USP54: variants seen among roughly 807,000 people sequenced by gnomAD.
USP54 encodes ubiquitin carboxyl-terminal hydrolase 54.
Under a neutral mutation model 170.5 loss-of-function variants are expected in USP54, and 87 were observed. That is an observed-to-expected ratio of 0.51 (90% CI 0.43 to 0.61). The LOEUF (loss-of-function observed/expected upper bound fraction) is 0.61. Among genes scored for constraint, USP54 ranks in the 20% least tolerant of loss-of-function variants. The probability of loss-of-function intolerance (pLI) is 0.00; values close to 1 mark genes in which losing one functional copy is unlikely to be tolerated. For missense variants in USP54, 1,786 were observed against 2,047.8 expected, an observed-to-expected ratio of 0.87 and a Z score of 2.47; for synonymous variants, 655 against 742.8, an observed-to-expected ratio of 0.88 and a Z score of 1.92.
chr10:73,530,484 G>A lies in USP54; in HGVS notation c.1487C>T (p.Ser496Phe), dbSNP rs768318479. The change falls in exon 14 of 24, where the codon TCC becomes TTC. Residue 496 changes from serine (S) to phenylalanine (F), a missense_variant. Ser to Phe is a radical substitution (Grantham distance 155, BLOSUM62 -2). Transcript: ENST00000687698. ...CCTGTTGGTGCTGCTGGATGGTTTG[G>A]AGGCATTTCTAGGAGCCTGCTTCTC... The part of the protein sequence containing the change: ...LKEKQAPRNA[S>F]KPSSSTNRLR... 1.9e-6 allele frequency: 3 copies of A among 1,612,470 alleles called. No homozygotes were observed. The South Asian group carries it at 3.3e-5, about 18-fold the overall frequency.
At chr10:73,522,163 A>G (rs139233912) in intron 17 of USP54, among the ~76,000 whole-genome samples, 53 of 152,346 alleles carry the variant, frequency 3.5e-4, no homozygotes, top group Non-Finnish European at 6.6e-4. Flanking sequence ...AAGACAATGG[A>G]AACAGCAGGT....
intron 1 of USP54, among the ~76,000 whole-genome samples, chr10:73,599,222 T>C (rs2078979535): frequency 6.6e-6 from 1 of 152,204 alleles, no homozygotes; most frequent in Non-Finnish European, 1.5e-5. Flanking sequence ...TCAATGAAAT[T>C]TGTATCACTA....
intron 4 of USP54, among the ~76,000 whole-genome samples, chr10:73,569,963 CAAAAA>C (rs755776753): frequency 1.3e-5 from 1 of 78,712 alleles, no homozygotes; most frequent in Admixed American, 1.4e-4. Context: ...TAATACTGGT[CAAAAA>C]AAATTTTGAG....
At chr10:73,607,299 A>G (rs1290072615) in intron 1 of USP54, among the ~76,000 whole-genome samples, 1 of 149,988 alleles carries the variant, frequency 6.7e-6, no homozygotes, top group Non-Finnish European at 1.5e-5. Flanking sequence ...GGTTTCCACA[A>G]AATCATTCCT....
Position 73,575,806 on chromosome 10 carries a change from T to C in USP54, c.-26A>G, listed in dbSNP as rs2076039816. 1.0e-6 allele frequency: 1 copy of C among 978,878 alleles called. No homozygotes were observed. The allele number at this position is 978,878 out of a possible 1,614,324, so 60.6% of individuals were successfully genotyped here. A position where few individuals can be genotyped will look rare whatever the true frequency, so the allele number is the denominator to read the frequency against. Reference sequence around the variant, plus strand: ...GATTTTGACTTTACCACCTTCCAAATATCATCTGTGTAGTCAAGGGACTCA... The same window carrying C: ...GATTTTGACTTTACCACCTTCCAAACATCATCTGTGTAGTCAAGGGACTCA... On this transcript the variant is annotated 5_prime_UTR_variant, in exon 2 of 24. In the 5' UTR this introduces an upstream ATG that the reference lacks. Transcript: ENST00000687698.
Position 73,534,790 on chromosome 10 carries a change from C to T in USP54, c.1145-20G>A. 1.9e-6 allele frequency: 3 copies of T among 1,608,056 alleles called. No individual in the cohort carries two copies. The highest frequency in any genetic ancestry group is 1.1e-5 in the South Asian group (1 of 90,428). The stretch of plus-strand genomic sequence containing the variant: ...CCCTCCCTGAGAGGAGGAGGAAACA[C>T]ATATGCAAAAAGTGAGGAAACAGAA... On this transcript the variant is annotated intron_variant, in intron 11 of 23. Coordinates refer to ENST00000687698, the MANE Select transcript of USP54 (RefSeq NM_001391956.1).
At chr10:73,623,515 G>T (rs2081251445) in intron 1 of USP54, among the ~76,000 whole-genome samples, 1 of 152,174 alleles carries the variant, frequency 6.6e-6, no homozygotes, top group Admixed American at 6.5e-5. Flanking sequence ...TGGGCATGGT[G>T]GCCCTCACCT....
chr10:73,536,576 T>G, intron 10 of USP54, 139 bp from the exon 11 acceptor site: 1 of 973,798 alleles, frequency 1.0e-6, no homozygotes, highest in Non-Finnish European at 1.4e-6. Context: ...GCAAAAAAGA[T>G]CTCAGACCTA....
At chr10:73,581,383 A>C (rs1033157998) in intron 1 of USP54, among the ~76,000 whole-genome samples, 18 of 152,364 alleles carry the variant, frequency 1.2e-4, no homozygotes, top group Middle Eastern at 3.4e-3. Flanking sequence ...TGGGTAAGCC[A>C]AAAACCTTTC....
rs201157193 is a variant in USP54 at position 73,498,819 on chromosome 10, G to A, written c.4865C>T (p.Pro1622Leu). Residue 1622 changes from proline to leucine, a missense_variant, in exon 24 of 24, where the codon CCT becomes CTT. By Grantham distance (98) the Pro-to-Leu change is moderately conservative. Transcript: ENST00000687698. The part of the protein sequence containing the change: ...VPLRSAWNSD[P>L]VPGSRTPGPR... ...ACCAGGGGTTCGGGACCCTGGAACA[G>A]GATCTGAATTCCAAGCTGACCTCAG... 5.6e-6 allele frequency: 9 copies of A among 1,612,946 alleles called. No homozygotes were observed. In the East Asian group the frequency reaches 8.9e-5, roughly 16 times the overall value.
intron 4 of USP54, among the ~76,000 whole-genome samples, chr10:73,554,485 AAG>A (rs2133639437): frequency 6.6e-6 from 1 of 152,360 alleles, no homozygotes; most frequent in Admixed American, 6.5e-5. Flanking sequence ...ACTACTGGAA[AAG>A]AGACGTTCAC....
In USP54 at chr10:73,519,952, C is replaced by G; in HGVS notation, c.2523G>C (p.Thr841=). 6.2e-7 allele frequency: 1 copy of G among 1,612,608 alleles called. No homozygotes were observed. The highest frequency in any genetic ancestry group is 8.5e-7 in the Non-Finnish European group (1 of 1,179,356). ...TCTTATCGACTAGGGCTCTGCTGTG[C>G]GTGCTACAGCTGGCACCATGCAGGG... ...RLALHGASCS[T]HSRALVDKKL... Residue 841 remains threonine (T), a synonymous_variant, in exon 19 of 24, where the codon ACG becomes ACC. Coordinates refer to ENST00000687698, the MANE Select transcript of USP54 (RefSeq NM_001391956.1).
At chr10:73,586,784 C>A (rs1206628237) in intron 1 of USP54, among the ~76,000 whole-genome samples, 4 of 152,150 alleles carry the variant, frequency 2.6e-5, no homozygotes, top group African/African-American at 9.7e-5. Flanking sequence ...AAGGGCCAAG[C>A]TATTTGTTGA....
chr10:73,511,456 T>C (rs1438400729), intron 20 of USP54, among the ~76,000 whole-genome samples: 1 of 151,922 alleles, frequency 6.6e-6, no homozygotes, highest in Non-Finnish European at 1.5e-5. Flanking sequence ...AGCTCAGAGT[T>C]TGAGACCAGC....
intron 1 of USP54, among the ~76,000 whole-genome samples, chr10:73,615,540 T>C (rs2080551230): frequency 6.6e-6 from 1 of 150,454 alleles, no homozygotes; most frequent in South Asian, 2.1e-4. Flanking sequence ...GATTTGATTA[T>C]TATGCAATGC....
intron 23 of USP54, among the ~76,000 whole-genome samples, 171 bp from the exon 24 acceptor site, chr10:73,499,359 A>G (rs924604491): frequency 6.6e-6 from 1 of 152,142 alleles, no homozygotes; most frequent in African/African-American, 2.4e-5. Context: ...AATTCTTAAT[A>G]TACATCAAAA....
At chr10:73,534,842 G>A in intron 11 of USP54, 72 bp from the exon 12 acceptor site, 1 of 1,453,174 alleles carries the variant, frequency 6.9e-7, no homozygotes, top group African/African-American at 1.4e-5. Context: ...GAAAAGAGAT[G>A]GACACAACAA....
intron 4 of USP54, among the ~76,000 whole-genome samples, chr10:73,566,596 TGACGTGCACCTG>T (rs2133756773): frequency 6.6e-6 from 1 of 151,742 alleles, no homozygotes; most frequent in African/African-American, 2.4e-5. Context: ...CCGGGCATGG[TGACGTGCACCTG>T]TAATCCCACC....
chr10:73,625,947 G>C (rs1390006437), upstream of USP54: 1 of 150,048 alleles, frequency 6.7e-6, no homozygotes, highest in African/African-American at 2.5e-5. Flanking sequence ...AGCTCCTGGC[G>C]CCGCATACTT....
Sources: allele counts gnomAD v4.1 joint callset (sites outside exome capture counted in the v4.1 genomes callset), GRCh38; gene constraint gnomAD v4.1.1; transcripts MANE v1.5; gene names NCBI Gene and HGNC (gene_info 2026-07-23, HGNC 2026-07-21).